The following PFKFB3 variants were observed in gnomAD, a reference collection of about 807,000 sequenced individuals.
PFKFB3 encodes the protein 6-phosphofructo-2-kinase/fructose-2,6-biphosphatase 3, also known as 6-phosphofructo-2-kinase/fructose-2,6-bisphosphatase 3.
A neutral mutation model predicts 68.0 loss-of-function variants in PFKFB3; 33 were observed. The ratio of observed to expected loss-of-function variants is 0.49; its 90% CI spans 0.37 to 0.65. The LOEUF is 0.65. Among genes scored for constraint, PFKFB3 ranks in the 30% least tolerant of loss-of-function variants. PFKFB3 has a pLI of 0.00. For synonymous variants in PFKFB3, 315 were observed against 288.2 expected (o/e 1.09, Z -0.94); for missense variants, 586 against 712.2 (o/e 0.82, Z 2.02).
intron 1 of PFKFB3, among the ~76,000 whole-genome samples, chr10:6,171,287 T>C (rs150491619): frequency 0.011 from 1,648 of 152,176 alleles, 66 homozygotes; most frequent in East Asian, 0.1. Flanking sequence ...ACTCCCGACC[T>C]CAGGTGATCC....
At chr10:6,182,034 T>A (rs1842727940) in intron 1 of PFKFB3, among the ~76,000 whole-genome samples, 1 of 152,104 alleles carries the variant, frequency 6.6e-6, no homozygotes, top group Admixed American at 6.6e-5. Context: ...TGCCCTGAAC[T>A]GTGTGCCTAA....
intron 1 of PFKFB3, among the ~76,000 whole-genome samples, chr10:6,210,959 C>T (rs12779445): frequency 0.56 from 24,943 of 44,592 alleles, 11,935 homozygotes; most frequent in East Asian, 0.99. Flanking sequence ...CCACCCGCCT[C>T]GGCCTCCCAG....
chr10:6,220,305 G>A lies in PFKFB3; in HGVS notation c.624-353G>A, dbSNP rs938492785. On this transcript the variant is annotated intron_variant, in intron 7 of 14. Coordinates refer to ENST00000379775, the MANE Select transcript of PFKFB3 (RefSeq NM_004566.4). This position sits in a 1 kb window ranked among gnomAD's most constrained non-coding sequence, Gnocchi z 4.1. ...TTTAGTAGAGATGAGGTCTTGCTAT[G>A]TTGCCCAGGCTGGTCTTGAACTTCT... Among the ~76,000 whole-genome samples the A allele has an allele frequency of 6.6e-6, 1 of 152,012 alleles. No individual in the cohort carries two copies. The highest frequency in any genetic ancestry group is 1.5e-5 in the Non-Finnish European group (1 of 68,014).
In PFKFB3 at chr10:6,219,706, G is replaced by C; in HGVS notation, c.623+13G>C. Reference sequence around the variant, plus strand: ...ACAAATGCGACAGGTGATTCCCGTGGCTGGCCGTCTCTGCAAGACCCACAT... The same window carrying C: ...ACAAATGCGACAGGTGATTCCCGTGCCTGGCCGTCTCTGCAAGACCCACAT... On this transcript the variant is annotated intron_variant, in intron 7 of 14. Transcript: ENST00000379775. The C allele has an allele frequency of 6.2e-7, 1 of 1,612,472 alleles. No homozygotes were observed. The highest frequency in any genetic ancestry group is 2.2e-5 in the East Asian group (1 of 44,858).
intron 1 of PFKFB3, among the ~76,000 whole-genome samples, chr10:6,158,599 C>T (rs1282162291): frequency 6.6e-6 from 1 of 152,132 alleles, no homozygotes; most frequent in African/African-American, 2.4e-5. Flanking sequence ...GGTGCGGTAG[C>T]TCACGCCTGT....
chr10:6,269,009 G>A, the PFKFB3 span, among the ~76,000 whole-genome samples: 57,153 of 135,428 alleles, frequency 0.42, 14,844 homozygotes, highest in Non-Finnish European at 0.6. Flanking sequence ...GGAGACAAGA[G>A]TGAGATCCTG....
the PFKFB3 span, among the ~76,000 whole-genome samples, chr10:6,307,510 TTTCCTTCCTTCCTTCC>T: frequency 0.011 from 1,263 of 116,334 alleles, 14 homozygotes; most frequent in South Asian, 0.019. Context: ...TCCTTCTCTT[TTTCCTTCCTTCCTTCC>T]TTCCTTCCTT....
At chr10:6,253,337 T>G (rs1824317866) in intron 14 of PFKFB3, among the ~76,000 whole-genome samples, 1 of 152,244 alleles carries the variant, frequency 6.6e-6, no homozygotes, top group Non-Finnish European at 1.5e-5. Flanking sequence ...CTAGGTGGCT[T>G]CTCATAAGCT....
At chr10:6,171,214 CCTGGCTAATTT>C (rs1842302089) in intron 1 of PFKFB3, among the ~76,000 whole-genome samples, 1 of 151,792 alleles carries the variant, frequency 6.6e-6, no homozygotes, top group Non-Finnish European at 1.5e-5. Context: ...TGCCACCACG[CCTGGCTAATTT>C]TGTATTTTTA....
chr10:6,226,551 G>A, intron 14 of PFKFB3, 186 bp downstream of exon 14: 2 of 579,778 alleles, frequency 3.4e-6, no homozygotes, highest in Non-Finnish European at 5.9e-6. Flanking sequence ...ACGTGTTGAG[G>A]GAGAACATAG....
At chr10:6,213,541 C>A in intron 1 of PFKFB3, 82 bp from the exon 2 acceptor site, 2 of 1,466,668 alleles carry the variant, frequency 1.4e-6, no homozygotes, top group Non-Finnish European at 1.8e-6. Context: ...TGAAATTCTT[C>A]AGTGTTATTG....
At chr10:6,158,660 G>T (rs1841878576) in intron 1 of PFKFB3, among the ~76,000 whole-genome samples, 1 of 152,182 alleles carries the variant, frequency 6.6e-6, no homozygotes, top group Non-Finnish European at 1.5e-5. Context: ...GAGGTCAGGA[G>T]TTCAAGACCA....
chr10:6,224,171 C>T lies in PFKFB3; in HGVS notation c.1299C>T (p.Tyr433=). The change falls in exon 13 of 15, where the codon TAC becomes TAT. Residue 433 remains tyrosine, a synonymous_variant. Transcript: ENST00000379775. ...VAYGCRVESI[Y]LNVESVCTHR... is the part of the protein sequence containing the mutation. ...CAGGCTGCCGTGTGGAATCCATCTA[C>T]CTGAACGTGGAGTCCGTCTGCACAC... The T allele has an allele frequency of 1.2e-6, 2 of 1,614,192 alleles. No homozygotes were observed. The highest frequency in any genetic ancestry group is 2.2e-5 in the East Asian group (1 of 44,874).
the PFKFB3 span, among the ~76,000 whole-genome samples, chr10:6,281,166 C>CATAT: frequency 2.5e-4 from 21 of 84,558 alleles, 2 homozygotes; most frequent in African/African-American, 5.8e-4. Flanking sequence ...AGTATTCCAT[C>CATAT]ATATATATAT....
At chr10:6,326,543 T>C in the PFKFB3 span, 20 of 456,226 alleles carry the variant, frequency 4.4e-5, no homozygotes, top group Admixed American at 3.1e-4. Context: ...AATTGTCTTC[T>C]AGATATGGAG....
the PFKFB3 span, among the ~76,000 whole-genome samples, chr10:6,300,724 G>A: frequency 6.7e-4 from 102 of 152,264 alleles, no homozygotes; most frequent in Non-Finnish European, 1.1e-3. Context: ...GAGGCACCGT[G>A]GAAGTCCAGA....
intron 14 of PFKFB3, among the ~76,000 whole-genome samples, chr10:6,227,503 C>G (rs2132023598): frequency 6.6e-6 from 1 of 152,348 alleles, no homozygotes; most frequent in South Asian, 2.1e-4. Context: ...CCACAGGTCA[C>G]TTAACCTCTC....
intron 14 of PFKFB3, among the ~76,000 whole-genome samples, chr10:6,244,077 C>G (rs1846199477): frequency 6.6e-6 from 1 of 152,156 alleles, no homozygotes; most frequent in Non-Finnish European, 1.5e-5. Flanking sequence ...CCAGGCTAGT[C>G]TTGAAGTCCT....
chr10:6,249,410 C>T (rs931700218), intron 14 of PFKFB3, among the ~76,000 whole-genome samples: 2 of 152,060 alleles, frequency 1.3e-5, no homozygotes, highest in Admixed American at 1.3e-4. Flanking sequence ...CATCACAGCA[C>T]TATTGACAAT....
Sources: allele counts gnomAD v4.1 joint callset (sites outside exome capture counted in the v4.1 genomes callset), GRCh38; gene constraint gnomAD v4.1.1; non-coding constraint Gnocchi (gnomAD v3.1); transcripts MANE v1.5; gene names NCBI Gene and HGNC (gene_info 2026-07-23, HGNC 2026-07-21).